The following ANXA4 variants were observed in gnomAD, a reference collection of about 807,000 sequenced individuals.
The protein encoded by ANXA4 is annexin A4, also known as 35-beta calcimedin.
A neutral mutation model predicts 49.8 loss-of-function variants in ANXA4; 39 were observed. The ratio of observed to expected loss-of-function variants is 0.78; its 90% confidence interval spans 0.61 to 1.02. ANXA4 has a LOEUF of 1.02. ANXA4 is among the 50% of genes least tolerant of loss of function. The probability of loss-of-function intolerance (pLI) is 0.00; values close to 1 mark genes in which losing one functional copy is unlikely to be tolerated. For synonymous variants in ANXA4, 134 were observed against 152.5 expected (o/e 0.88, Z 0.89); for missense variants, 360 against 410.1 (o/e 0.88, Z 1.05).
chr2:69,811,559 C>T (rs758776966), intron 7 of ANXA4: 1 of 152,204 alleles, frequency 6.6e-6, no homozygotes, highest in Admixed American at 6.5e-5. Flanking sequence ...AGACATTTCA[C>T]ATCACTTCCC....
intron 2 of ANXA4, among the ~76,000 whole-genome samples, chr2:69,658,305 C>T (rs912637589): frequency 1.3e-5 from 2 of 149,276 alleles, no homozygotes; most frequent in African/African-American, 5.0e-5. Flanking sequence ...GAGGCTGAGG[C>T]AGGAGAATTG....
At chr2:69,663,879 CAG>C (rs1350879682) in intron 2 of ANXA4, among the ~76,000 whole-genome samples, 1 of 152,092 alleles carries the variant, frequency 6.6e-6, no homozygotes, top group African/African-American at 2.4e-5. Context: ...ATCTGGGAAA[CAG>C]GGGAAGAAAT....
chr2:69,787,356 ATC>A (rs71397356), intron 2 of ANXA4, among the ~76,000 whole-genome samples: 75,595 of 151,656 alleles, frequency 0.5, 19,641 homozygotes, highest in African/African-American at 0.66. Context: ...GTTCCCTTCC[ATC>A]TCTCTCTCTT....
chr2:69,781,339 T>C, intron 1 of ANXA4, 181 bp from the exon 2 acceptor site: 1 of 601,252 alleles, frequency 1.7e-6, no homozygotes, highest in South Asian at 2.1e-5. Flanking sequence ...GTTGACTTTT[T>C]TTAACAGTTT....
rs573866036 is a variant in ANXA4 at position 69,734,791 on chromosome 2, T to A, written n.864+13920T>A. Among the ~76,000 whole-genome samples, 4 of 152,276 alleles carry A rather than the reference T, an allele frequency of 2.6e-5. No individual in the cohort carries two copies. In the East Asian group the frequency reaches 7.7e-4, roughly 29 times the overall value. On this transcript the variant is annotated intron_variant and non_coding_transcript_variant, in intron 3 of 3. Transcript: ENST00000418066. ...ATCCCAGCACTTTGTTTCTCCGGTT[T>A]TTGAGATAGGAGGGGCCCTCTAGTA...
intron 2 of ANXA4, among the ~76,000 whole-genome samples, chr2:69,658,727 C>T (rs1240700915): frequency 6.6e-6 from 1 of 152,132 alleles, no homozygotes; most frequent in Non-Finnish European, 1.5e-5. Flanking sequence ...CTGAGTCTCG[C>T]TCTGTCGCCC....
intron 2 of ANXA4, among the ~76,000 whole-genome samples, chr2:69,687,952 T>C (rs1255672600): frequency 6.6e-6 from 1 of 152,240 alleles, no homozygotes; most frequent in Non-Finnish European, 1.5e-5. Context: ...TTTGAAAATA[T>C]ACCCACAATA....
rs144006301 is a variant in ANXA4, at chr2:69,777,050, A to G, written c.-46-4470A>G. On this transcript the variant is annotated intron_variant, in intron 1 of 12. Coordinates refer to ENST00000394295, the MANE Select transcript of ANXA4 (RefSeq NM_001153.5). The stretch of plus-strand genomic sequence containing the variant: ...AGTTTACTTACTGGATTATCAGTTT[A>G]TGATAAAGAGCTACAGATCAGGAAC... Among the ~76,000 whole-genome samples the G allele has an allele frequency of 3.2e-3, 492 of 152,312 alleles. 4 individuals carry two copies. The highest frequency in any genetic ancestry group is 0.011 in the African/African-American group (468 of 41,566).
intron 2 of ANXA4, among the ~76,000 whole-genome samples, chr2:69,667,500 A>C (rs1211062800): frequency 3.3e-4 from 50 of 152,104 alleles, no homozygotes. Flanking sequence ...AAAGTCCCAT[A>C]AAAGTGTTAT....
At chr2:69,708,575 TG>T (rs1678577305) in intron 2 of ANXA4, among the ~76,000 whole-genome samples, 1 of 152,014 alleles carries the variant, frequency 6.6e-6, no homozygotes, top group Non-Finnish European at 1.5e-5. Flanking sequence ...ATGGGTCTCT[TG>T]GTTTTTTTTA....
At chr2:69,673,737 G>C (rs925418546) in intron 2 of ANXA4, among the ~76,000 whole-genome samples, 1 of 150,128 alleles carries the variant, frequency 6.7e-6, no homozygotes, top group Non-Finnish European at 1.5e-5. Context: ...CAAAGTGAAG[G>C]AGAAAAGTGC....
At chr2:69,823,261 G>A (rs1285905209) in intron 12 of ANXA4, among the ~76,000 whole-genome samples, 1 of 150,812 alleles carries the variant, frequency 6.6e-6, no homozygotes, top group Admixed American at 6.6e-5. Context: ...AAATATATGT[G>A]TGTATACACA....
chr2:69,725,961 G>C (rs1254451609), intron 3 of ANXA4, among the ~76,000 whole-genome samples: 5 of 152,012 alleles, frequency 3.3e-5, no homozygotes, highest in African/African-American at 9.7e-5. Flanking sequence ...GCAGTTGTCA[G>C]GATGCAGCTG....
chr2:69,814,811 GA>G, intron 8 of ANXA4: 4 of 145,866 alleles, frequency 2.7e-5, no homozygotes, highest in African/African-American at 1.1e-4. Context: ...AGAGAGAGAG[GA>G]TGGAGTTGGG....
intron 1 of ANXA4, among the ~76,000 whole-genome samples, chr2:69,645,606 A>G (rs953806843): frequency 6.6e-6 from 1 of 152,234 alleles, no homozygotes; most frequent in African/African-American, 2.4e-5. Flanking sequence ...AGACTAGTCC[A>G]GGCTTACACA....
At chr2:69,727,651 T>C (rs1163827618) in intron 3 of ANXA4, among the ~76,000 whole-genome samples, 1 of 152,254 alleles carries the variant, frequency 6.6e-6, no homozygotes, top group Non-Finnish European at 1.5e-5. Context: ...AGTTATTCAT[T>C]TTGAGATAAT....
intron 4 of ANXA4, among the ~76,000 whole-genome samples, chr2:69,805,346 G>A (rs1009928839): frequency 5.3e-5 from 8 of 152,112 alleles, no homozygotes; most frequent in African/African-American, 1.9e-4. Context: ...GCTCACACCT[G>A]TAATCCTAGC....
chr2:69,718,761 ACATACACACACATT>A (rs1441598705), intron 2 of ANXA4, among the ~76,000 whole-genome samples: 2 of 142,134 alleles, frequency 1.4e-5, no homozygotes, highest in African/African-American at 6.0e-5. Context: ...GCATACACAC[ACATACACACACATT>A]CACACACATG....
upstream of ANXA4, among the ~76,000 whole-genome samples, chr2:69,737,059 T>A (rs55969341): frequency 0.48 from 72,888 of 151,640 alleles, 17,970 homozygotes; most frequent in East Asian, 0.7. Context: ...CACCTTGGCC[T>A]CTCAGAGTGC....
Sources: gnomAD v4.1 joint callset for allele counts (sites outside exome capture counted in the v4.1 genomes callset) on GRCh38, gnomAD v4.1.1 for gene constraint, MANE v1.5 for transcripts, NCBI Gene and HGNC (gene_info 2026-07-23, HGNC 2026-07-21) for gene names.